The following NUDCD3 variants were observed in gnomAD, a reference collection of about 807,000 sequenced individuals.
The protein encoded by NUDCD3 is NudC domain containing 3.
Under a neutral mutation model 39.7 loss-of-function variants are expected in NUDCD3, and 13 were observed. The ratio of observed to expected loss-of-function variants is 0.33; its 90% CI spans 0.21 to 0.52. The LOEUF is 0.52. Among genes scored for constraint, NUDCD3 ranks in the 20% least tolerant of loss-of-function variants. The pLI is 0.96. For missense variants in NUDCD3, 453 were observed against 458.1 expected (o/e 0.99, Z 0.10); for synonymous variants, 175 against 172.4 (o/e 1.02, Z -0.12).
intron 3 of NUDCD3, among the ~76,000 whole-genome samples, chr7:44,419,771 A>G (rs1014594926): frequency 6.6e-6 from 1 of 152,098 alleles, no homozygotes; most frequent in Non-Finnish European, 1.5e-5. Flanking sequence ...TTAGAAGAAA[A>G]ACTAACAAAC....
rs562614356 is a variant in NUDCD3 at position 44,410,506 on chromosome 7, C to CA, written c.643-5924dup. On this transcript the variant is annotated intron_variant, in intron 3 of 5. Coordinates refer to ENST00000355451, the MANE Select transcript of NUDCD3 (RefSeq NM_015332.4). ...TGAAACCCCGTCTCTACTAAAAATACAAAAAAAATTATCCGGGTGTGGTGG... is the reference window on the plus strand; with the variant it reads ...TGAAACCCCGTCTCTACTAAAAATACAAAAAAAAATTATCCGGGTGTGGTGG... Among the ~76,000 whole-genome samples the CA allele has an allele frequency of 8.1e-3, 1,221 of 151,594 alleles. 9 individuals are homozygous for CA. The highest frequency in any genetic ancestry group is 0.027 in the African/African-American group (1,132 of 41,328).
At chr7:44,408,180 C>T (rs1798863433) in intron 3 of NUDCD3, among the ~76,000 whole-genome samples, 1 of 152,004 alleles carries the variant, frequency 6.6e-6, no homozygotes, top group Non-Finnish European at 1.5e-5. Flanking sequence ...CTACATACAC[C>T]CAAACTGAGA....
At chr7:44,441,964 C>T (rs1264375293) in intron 2 of NUDCD3, among the ~76,000 whole-genome samples, 1 of 152,152 alleles carries the variant, frequency 6.6e-6, no homozygotes, top group East Asian at 1.9e-4. Context: ...GCTCAGGGCT[C>T]ATCTTTGCCT....
rs778965814 is a variant in NUDCD3, at chr7:44,485,011, C to A, written c.466G>T (p.Ala156Ser). ...SQEAEAPGAV[A>S]GAAEVPREPP... ...TCCCTAGGGACTTCAGCAGCACCAG[C>A]AACTGCTCCTGGAGCTTCTGCCTCC... The change falls in exon 2 of 6, where the codon GCT becomes TCT. Residue 156 changes from alanine to serine, a missense_variant. Coordinates refer to ENST00000355451, the MANE Select transcript of NUDCD3 (RefSeq NM_015332.4). 6.2e-7 allele frequency: 1 copy of A among 1,614,046 alleles called. No individual in the cohort carries two copies. Among genetic ancestry groups the A allele is most frequent in the Non-Finnish European group, 8.5e-7 (1 of 1,179,930 alleles).
chr7:44,469,141 A>C (rs952583119), intron 2 of NUDCD3, among the ~76,000 whole-genome samples: 10 of 142,726 alleles, frequency 7.0e-5, no homozygotes, highest in East Asian at 1.9e-4. Flanking sequence ...AAAAAAAAAA[A>C]CAGGAGATTT....
At chr7:44,430,584 A>C (rs1799344064) in intron 2 of NUDCD3, among the ~76,000 whole-genome samples, 1 of 151,686 alleles carries the variant, frequency 6.6e-6, no homozygotes, top group Non-Finnish European at 1.5e-5. Context: ...ACACACACAC[A>C]CACACACACA....
At chr7:44,484,294 C>A (rs1800557219) in intron 2 of NUDCD3, 1 of 152,204 alleles carries the variant, frequency 6.6e-6, no homozygotes, top group African/African-American at 2.4e-5. Flanking sequence ...AGAGCACCCA[C>A]AAAACATAAC....
Position 44,383,175 on chromosome 7 carries a change from C to T in NUDCD3, c.*2836G>A, listed in dbSNP as rs1798338115. 6.6e-6 allele frequency: 1 copy of T among 152,224 alleles called. No homozygotes were observed. The highest frequency in any genetic ancestry group is 2.4e-5 in the African/African-American group (1 of 41,444). The allele number at this position is 152,224 out of a possible 1,614,324, so 9.4% of individuals were successfully genotyped here. A position where few individuals can be genotyped will look rare whatever the true frequency, so the allele number is the denominator to read the frequency against. On this transcript the variant is annotated 3_prime_UTR_variant, in exon 6 of 6. Transcript: ENST00000355451. ...TTCTGTGTCAGACACGGCGTTATGTCCTGGAGGAAGCCCATTGCGAGGGCT... is the reference window on the plus strand; with the variant it reads ...TTCTGTGTCAGACACGGCGTTATGTTCTGGAGGAAGCCCATTGCGAGGGCT...
At chr7:44,410,737 G>C (rs1798908023) in intron 3 of NUDCD3, among the ~76,000 whole-genome samples, 1 of 151,976 alleles carries the variant, frequency 6.6e-6, no homozygotes, top group Non-Finnish European at 1.5e-5. Context: ...GGGAGGCCGA[G>C]GCAGGCAGAT....
intron 2 of NUDCD3, among the ~76,000 whole-genome samples, chr7:44,472,289 C>T (rs948315999): frequency 2.6e-5 from 4 of 152,172 alleles, no homozygotes; most frequent in Non-Finnish European, 4.4e-5. Context: ...AGTCTGCACT[C>T]CTAGAAAATC....
intron 2 of NUDCD3, 22 bp downstream of exon 2, chr7:44,484,946 G>A (rs1800573274): frequency 1.3e-6 from 2 of 1,549,350 alleles, no homozygotes; most frequent in African/African-American, 2.8e-5. Flanking sequence ...AAAGAAGGAA[G>A]CTGCAAAGTA....
intron 4 of NUDCD3, among the ~76,000 whole-genome samples, chr7:44,403,383 A>C (rs1051475152): frequency 3.3e-5 from 5 of 152,226 alleles, no homozygotes; most frequent in Admixed American, 1.3e-4. Context: ...TGAGCAGTTG[A>C]GGCCACGGCA....
chr7:44,455,850 C>A (rs969114231), intron 2 of NUDCD3, among the ~76,000 whole-genome samples: 1 of 150,936 alleles, frequency 6.6e-6, no homozygotes, highest in Non-Finnish European at 1.5e-5. Context: ...AACGGTGAAA[C>A]CCCGTCTCTA....
rs367883334 is a variant in NUDCD3 at position 44,485,284 on chromosome 7, C to T, written c.193G>A (p.Val65Ile). Reference protein sequence around the residue: ...PGAAQALVLQVFKTFDHMARQ... With the variant: ...PGAAQALVLQIFKTFDHMARQ... ...GCCATGTGGTCAAAGGTTTTGAATA[C>T]CTAAAATCAAACACCAATCCAGCAA... Residue 65 changes from valine (V) to isoleucine (I), a missense_variant and splice_region_variant, in exon 2 of 6, where the codon GTA (valine) becomes ATA (isoleucine). By Grantham distance (29) the Val-to-Ile change is conservative. Coordinates refer to ENST00000355451, the MANE Select transcript of NUDCD3 (RefSeq NM_015332.4). 30 of 1,603,820 alleles carry T rather than the reference C, an allele frequency of 1.9e-5. No homozygotes were observed. In the African/African-American group the frequency reaches 3.9e-4, roughly 21 times the overall value.
chr7:44,467,442 A>C (rs1033410115), intron 2 of NUDCD3, among the ~76,000 whole-genome samples: 4 of 152,178 alleles, frequency 2.6e-5, no homozygotes, highest in African/African-American at 4.8e-5. Flanking sequence ...GAAGAAAAAG[A>C]AGCCAGAGGT....
rs147519520 is a variant in NUDCD3, at chr7:44,392,383, C to T, written c.889G>A (p.Val297Met). 43 of 1,614,032 alleles carry T rather than the reference C, an allele frequency of 2.7e-5. No homozygotes were observed. Among genetic ancestry groups the T allele is most frequent in the African/African-American group, 1.1e-4 (8 of 74,900 alleles). Residue 297 changes from valine to methionine, a missense_variant, in exon 5 of 6, where the codon GTG (valine) becomes ATG (methionine). Physicochemically the swap from Val to Met is conservative, Grantham distance 21 (BLOSUM62 1). Transcript: ENST00000355451. ...KINKERSMAT[V>M]DEEEQAVLDR... ...AACACCGCCTGTTCCTCCTCATCCA[C>T]GGTGGCCATGGAGCGCTCCTTGTTG...
chr7:44,463,260 C>T (rs894394443), intron 2 of NUDCD3, among the ~76,000 whole-genome samples: 1 of 152,180 alleles, frequency 6.6e-6, no homozygotes, highest in African/African-American at 2.4e-5. Context: ...ACATATGTAA[C>T]TCCACTCACT....
intron 2 of NUDCD3, chr7:44,467,930 A>G (rs1800155075): frequency 3.1e-6 from 5 of 1,608,362 alleles, no homozygotes; most frequent in Non-Finnish European, 4.2e-6. Context: ...GAAGCCCAAG[A>G]TCGTCAAAAA....
intron 2 of NUDCD3, among the ~76,000 whole-genome samples, chr7:44,476,982 G>A (rs1800384003): frequency 6.6e-6 from 1 of 152,040 alleles, no homozygotes; most frequent in African/African-American, 2.4e-5. Flanking sequence ...TATCTGCCAA[G>A]GACACTATTA....
Sources: gnomAD v4.1 joint callset for allele counts (sites outside exome capture counted in the v4.1 genomes callset) on GRCh38, gnomAD v4.1.1 for gene constraint, MANE v1.5 for transcripts, NCBI Gene and HGNC (gene_info 2026-07-23, HGNC 2026-07-21) for gene names.